The following ENTREP2 variants were observed in gnomAD, a reference collection of about 807,000 sequenced individuals.
ENTREP2 encodes the protein protein ENTREP2.
chr15:29,366,882 T>G, the ENTREP2 span, among the ~76,000 whole-genome samples: 3 of 152,190 alleles, frequency 2.0e-5, no homozygotes, highest in Non-Finnish European at 2.9e-5. Flanking sequence ...AACAAGTGAT[T>G]CCTATTTTAG....
At chr15:29,334,162 C>T in the ENTREP2 span, among the ~76,000 whole-genome samples, 20 of 152,162 alleles carry the variant, frequency 1.3e-4, no homozygotes, top group Non-Finnish European at 2.1e-4. Flanking sequence ...GATAGGAATC[C>T]AGCCTGTAAT....
At chr15:29,224,590 A>G in the ENTREP2 span, among the ~76,000 whole-genome samples, 3,224 of 152,226 alleles carry the variant, frequency 0.021, 46 homozygotes, top group Non-Finnish European at 0.031. Context: ...TCCTCACTAG[A>G]TTAGCTAGAT....
the ENTREP2 span, among the ~76,000 whole-genome samples, chr15:29,158,657 C>G: frequency 1.1e-4 from 16 of 152,000 alleles, no homozygotes; most frequent in Admixed American, 5.2e-4. Flanking sequence ...TATCAGAGTC[C>G]TTTACAAATA....
the ENTREP2 span, among the ~76,000 whole-genome samples, chr15:29,563,901 G>A: frequency 2.0e-5 from 3 of 151,628 alleles, no homozygotes; most frequent in African/African-American, 7.3e-5. Flanking sequence ...CTACTCTTAG[G>A]AAACTTTATT....
the ENTREP2 span, among the ~76,000 whole-genome samples, chr15:29,634,058 C>A: frequency 6.6e-6 from 1 of 152,150 alleles, no homozygotes; most frequent in South Asian, 2.1e-4. Flanking sequence ...CCACTGGCAG[C>A]CACACCAAGC....
chr15:29,222,368 TG>T, the ENTREP2 span, among the ~76,000 whole-genome samples: 3 of 152,160 alleles, frequency 2.0e-5, no homozygotes, highest in Non-Finnish European at 2.9e-5. Context: ...ACCATGAAAA[TG>T]GGCAACCAGC....
At chr15:29,391,861 A>G in the ENTREP2 span, among the ~76,000 whole-genome samples, 17 of 152,184 alleles carry the variant, frequency 1.1e-4, no homozygotes, top group Non-Finnish European at 2.4e-4. Context: ...GTCTGGCTCT[A>G]TCGCCCAGGC....
the ENTREP2 span, among the ~76,000 whole-genome samples, chr15:29,256,707 T>C: frequency 6.6e-6 from 1 of 152,210 alleles, no homozygotes; most frequent in African/African-American, 2.4e-5. Context: ...AAGAATTGTT[T>C]CTAAAACTGA....
the ENTREP2 span, among the ~76,000 whole-genome samples, chr15:29,480,580 CAG>C: frequency 6.6e-6 from 1 of 151,974 alleles, no homozygotes; most frequent in Non-Finnish European, 1.5e-5. Context: ...AGGGAACATG[CAG>C]AGAGTTAGGC....
the ENTREP2 span, among the ~76,000 whole-genome samples, chr15:29,377,833 A>AATAATAATAATAATG: frequency 7.6e-6 from 1 of 130,754 alleles, no homozygotes; most frequent in Non-Finnish European, 1.7e-5. Context: ...AAATAATAAT[A>AATAATAATAATAATG]ATAATAATAA....
chr15:29,293,999 G>A, the ENTREP2 span, among the ~76,000 whole-genome samples: 2 of 152,140 alleles, frequency 1.3e-5, no homozygotes, highest in Non-Finnish European at 2.9e-5. Context: ...GCTCCCTGCA[G>A]CCTAACCTCC....
At chr15:29,258,212 C>CAAAAAAA in the ENTREP2 span, among the ~76,000 whole-genome samples, 8 of 118,322 alleles carry the variant, frequency 6.8e-5, no homozygotes, top group African/African-American at 1.6e-4. Flanking sequence ...GGCTCAGTCT[C>CAAAAAAA]AAAAAAAAAA....
the ENTREP2 span, among the ~76,000 whole-genome samples, chr15:29,405,186 C>T: frequency 6.6e-6 from 1 of 152,070 alleles, no homozygotes; most frequent in Non-Finnish European, 1.5e-5. Context: ...GTCAGGAGTT[C>T]GAGACCAGCC....
the ENTREP2 span, among the ~76,000 whole-genome samples, chr15:29,395,053 C>CT: frequency 2.0e-4 from 26 of 127,832 alleles, no homozygotes; most frequent in East Asian, 5.3e-3. Context: ...CGCCCGGCTA[C>CT]TTTTTTTTGT....
At chr15:29,582,813 GGC>G in the ENTREP2 span, among the ~76,000 whole-genome samples, 8 of 151,940 alleles carry the variant, frequency 5.3e-5, no homozygotes, top group African/African-American at 1.9e-4. Flanking sequence ...CACCACGCCT[GGC>G]TGATTTTTGT....
At chr15:29,207,244 T>C in the ENTREP2 span, among the ~76,000 whole-genome samples, 3 of 152,138 alleles carry the variant, frequency 2.0e-5, no homozygotes, top group Non-Finnish European at 4.4e-5. Context: ...GTGGAAGCAT[T>C]TGGACTGGCA....
At chr15:29,136,392 C>A in the ENTREP2 span, 1 of 1,519,794 alleles carries the variant, frequency 6.6e-7, no homozygotes. Flanking sequence ...TGGCCCACCA[C>A]CGCCTCGTAC....
At chr15:29,253,742 A>G in the ENTREP2 span, among the ~76,000 whole-genome samples, 2 of 151,886 alleles carry the variant, frequency 1.3e-5, no homozygotes, top group African/African-American at 4.8e-5. Flanking sequence ...CGCCCGGCCA[A>G]TATTGTCTCT....
the ENTREP2 span, among the ~76,000 whole-genome samples, chr15:29,332,563 G>A: frequency 2.1e-4 from 32 of 152,166 alleles, no homozygotes; most frequent in Non-Finnish European, 4.4e-5. Flanking sequence ...AAATAACCGT[G>A]GTAAGAAGCA....
Sources: gnomAD v4.1 joint callset for allele counts (sites outside exome capture counted in the v4.1 genomes callset) on GRCh38, gnomAD v4.1.1 for gene constraint, MANE v1.5 for transcripts, NCBI Gene and HGNC (gene_info 2026-07-23, HGNC 2026-07-21) for gene names.